The following POSTN variants were observed in gnomAD, a reference collection of about 807,000 sequenced individuals.
The protein encoded by POSTN is periostin.
In POSTN, 71 loss-of-function variants were observed where a neutral mutation model predicts 104.5. The observed-to-expected ratio is 0.68, with a 90% CI of 0.56 to 0.83. The LOEUF (loss-of-function observed/expected upper bound fraction) is 0.83, where lower values mean the gene tolerates loss of function less well. Among genes scored for constraint, POSTN ranks in the 40% least tolerant of loss-of-function variants. The probability of loss-of-function intolerance (pLI) is 0.00; values close to 1 mark genes in which losing one functional copy is unlikely to be tolerated. For synonymous variants in POSTN, 355 were observed against 340.7 expected, an observed-to-expected ratio of 1.04 and a Z score of -0.46; for missense variants, 949 against 1,006.8, an observed-to-expected ratio of 0.94 and a Z score of 0.78.
intron 2 of POSTN, among the ~76,000 whole-genome samples, chr13:37,595,811 C>CT (rs5802886): frequency 2.7e-3 from 368 of 137,540 alleles, no homozygotes; most frequent in Middle Eastern, 0.012. Flanking sequence ...TATTTAGTAT[C>CT]TTTTTTTTTT....
At chr13:37,582,259 T>G (rs1426569526) in intron 10 of POSTN, 107 bp downstream of exon 10, 2 of 1,285,408 alleles carry the variant, frequency 1.6e-6, no homozygotes, top group Non-Finnish European at 2.1e-6. Flanking sequence ...CTTCTATGAA[T>G]ATTTACTATT....
intron 4 of POSTN, among the ~76,000 whole-genome samples, chr13:37,588,600 A>T (rs1273164014): frequency 6.6e-6 from 1 of 152,220 alleles, no homozygotes; most frequent in Non-Finnish European, 1.5e-5. Context: ...AATAAGAAAG[A>T]ACAGCTATTC....
Position 37,570,627 on chromosome 13 carries a change from G to C in POSTN, c.2222C>G (p.Pro741Arg). ...KKYTKIIDGVPVEITEKETRE... is the reference protein window; with the variant it reads ...KKYTKIIDGVRVEITEKETRE... ...TGTCTCTTTTTCAGTTATTTCCACA[G>C]GCACTCCATCAATGATTTTGGTGTA... Residue 741 changes from proline to arginine, a missense_variant, in exon 19 of 23, where the codon CCT (proline) becomes CGT (arginine). Pro to Arg is a moderately radical substitution (Grantham distance 103). Coordinates refer to ENST00000379747, the MANE Select transcript of POSTN (RefSeq NM_006475.3). 6.2e-7 allele frequency: 1 copy of C among 1,609,162 alleles called. No homozygotes were observed. The highest frequency in any genetic ancestry group is 8.5e-7 in the Non-Finnish European group (1 of 1,176,164).
intron 17 of POSTN, among the ~76,000 whole-genome samples, chr13:37,571,845 A>G (rs1430684929): frequency 8.4e-6 from 1 of 118,534 alleles, no homozygotes; most frequent in Non-Finnish European, 1.9e-5. Flanking sequence ...TCATACTGAT[A>G]TTGTCTATTA....
At chr13:37,569,115 C>T (rs1169884980) in intron 21 of POSTN, 185 bp downstream of exon 21, 2 of 455,510 alleles carry the variant, frequency 4.4e-6, no homozygotes, top group Non-Finnish European at 7.8e-6. Flanking sequence ...ACTGTTTAAA[C>T]TAGTAATCAT....
chr13:37,565,610 T>A (rs1214700528), intron 21 of POSTN: 1 of 152,098 alleles, frequency 6.6e-6, no homozygotes, highest in Non-Finnish European at 1.5e-5. Flanking sequence ...TTATATATTC[T>A]GTTTCTGTCT....
intron 8 of POSTN, 73 bp downstream of exon 8, chr13:37,584,643 C>G (rs1950692163): frequency 1.6e-6 from 2 of 1,238,722 alleles, no homozygotes; most frequent in East Asian, 4.9e-5. Flanking sequence ...CATGGACTTA[C>G]TCTTTGAGAC....
chr13:37,590,849 A>G (rs1190028331), intron 3 of POSTN, among the ~76,000 whole-genome samples: 1 of 152,138 alleles, frequency 6.6e-6, no homozygotes, highest in Non-Finnish European at 1.5e-5. Context: ...ATTATCTGTT[A>G]TTTAAATCTA....
intron 22 of POSTN, among the ~76,000 whole-genome samples, chr13:37,564,301 CT>C (rs1950027543): frequency 4.1e-5 from 6 of 145,908 alleles, no homozygotes. Flanking sequence ...GTATGTTGAC[CT>C]TTCCCTTAAT....
intron 18 of POSTN, 145 bp from the exon 19 acceptor site, chr13:37,570,814 C>A (rs771026275): frequency 2.2e-5 from 13 of 596,230 alleles, no homozygotes; most frequent in Non-Finnish European, 3.5e-5. Flanking sequence ...AACATATCCC[C>A]CAAAAATCAT....
In POSTN at chr13:37,569,380, A is replaced by T; in HGVS notation, c.2351T>A (p.Val784Asp). ...ETLKKLLQEE[V>D]TKVTKFIEGG... ...TTCAATGAATTTGGTGACCTTGGTG[A>T]CCTCTGAGAGGATACATGTTTATAG... The change falls in exon 21 of 23, where the codon GTC (valine) becomes GAC (aspartate). Residue 784 changes from valine to aspartate, a missense_variant. By Grantham distance (152) the Val-to-Asp change is radical. Transcript: ENST00000379747. The T allele has an allele frequency of 6.2e-7, 1 of 1,610,338 alleles. No homozygotes were observed. The highest frequency in any genetic ancestry group is 1.7e-5 in the Admixed American group (1 of 59,894).
At chr13:37,572,121 C>T (rs1393414556) in intron 17 of POSTN, among the ~76,000 whole-genome samples, 4 of 151,576 alleles carry the variant, frequency 2.6e-5, no homozygotes, top group African/African-American at 9.7e-5. Context: ...AATGATTTTG[C>T]TACCACAGAA....
chr13:37,565,407 T>G (rs1181262340), intron 21 of POSTN: 2 of 151,950 alleles, frequency 1.3e-5, no homozygotes, highest in Non-Finnish European at 2.9e-5. Flanking sequence ...CTTTTTAAAT[T>G]TTTTCTCCAA....
intron 16 of POSTN, among the ~76,000 whole-genome samples, chr13:37,576,844 T>C (rs1162697901): frequency 6.6e-6 from 1 of 152,090 alleles, no homozygotes; most frequent in Non-Finnish European, 1.5e-5. Flanking sequence ...AGACATTTTG[T>C]TTTGCTCCTT....
chr13:37,591,333 A>G (rs757821195), intron 3 of POSTN, among the ~76,000 whole-genome samples: 1 of 152,204 alleles, frequency 6.6e-6, no homozygotes, highest in South Asian at 2.1e-4. Flanking sequence ...TCTAAATTCA[A>G]TATAAGCTAA....
Position 37,586,893 on chromosome 13 carries a change from C to T in POSTN, c.642G>A (p.Gly214=), listed in dbSNP as rs1950763111. Residue 214 remains glycine (G), a synonymous_variant, in exon 6 of 23, where the codon GGG becomes GGA. Coordinates refer to ENST00000379747, the MANE Select transcript of POSTN (RefSeq NM_006475.3). The part of the protein sequence containing the change: ...VTVNCARIIH[G]NQIATNGVVH... ...CAACACCATTTGTTGCAATCTGGTT[C>T]CCATGGATGATTCGAGCACAATTAA... 6.2e-7 allele frequency: 1 copy of T among 1,613,268 alleles called. No individual in the cohort carries two copies. The highest frequency in any genetic ancestry group is 2.2e-5 in the East Asian group (1 of 44,826).
At chr13:37,581,482 G>A (rs1950587340) in intron 10 of POSTN, among the ~76,000 whole-genome samples, 2 of 152,188 alleles carry the variant, frequency 1.3e-5, no homozygotes, top group African/African-American at 4.8e-5. Flanking sequence ...CACATTGGGA[G>A]GCCAAAGTAG....
At chr13:37,591,818 C>T (rs2138374534) in intron 3 of POSTN, among the ~76,000 whole-genome samples, 1 of 152,170 alleles carries the variant, frequency 6.6e-6, no homozygotes, top group East Asian at 1.9e-4. Context: ...TAGACAAGTT[C>T]AAAGAACAGG....
At chr13:37,568,725 A>G (rs184319512) in intron 21 of POSTN, 1 of 152,030 alleles carries the variant, frequency 6.6e-6, no homozygotes, top group Non-Finnish European at 1.5e-5. Context: ...TGCCACAGAC[A>G]GAGAACATTC....
Sources: gnomAD v4.1 joint callset for allele counts (sites outside exome capture counted in the v4.1 genomes callset) on GRCh38, gnomAD v4.1.1 for gene constraint, MANE v1.5 for transcripts, NCBI Gene and HGNC (gene_info 2026-07-23, HGNC 2026-07-21) for gene names.